Variants in RABL3 observed in about 807,000 individuals in gnomAD.
RABL3 encodes the protein rab-like protein 3.
In RABL3, 31 loss-of-function variants were observed where a neutral mutation model predicts 31.8. The observed-to-expected ratio is 0.97, with a 90% CI of 0.73 to 1.31. The LOEUF (loss-of-function observed/expected upper bound fraction) is 1.31. Ranked by LOEUF, RABL3 falls within the 40% of genes most tolerant of loss-of-function variation. The probability of loss-of-function intolerance (pLI) is 0.00; values close to 1 mark genes in which losing one functional copy is unlikely to be tolerated. For missense variants in RABL3, 263 were observed against 279.6 expected (o/e 0.94, Z 0.42); for synonymous variants, 97 against 99.9 (o/e 0.97, Z 0.18).
chr3:120,730,668 G>GA, intron 2 of RABL3, 28 bp downstream of exon 2: 1 of 1,507,996 alleles, frequency 6.6e-7, no homozygotes, highest in Non-Finnish European at 9.2e-7. Flanking sequence ...GTACATTATT[G>GA]AAAAACTAAA....
At chr3:120,719,264 C>T (rs998616670) in intron 2 of RABL3, among the ~76,000 whole-genome samples, 5 of 152,200 alleles carry the variant, frequency 3.3e-5, no homozygotes, top group Admixed American at 3.3e-4. Context: ...CTACAGCTCC[C>T]AGCGTGAGCG....
Position 120,694,203 on chromosome 3 carries a change from A to T in RABL3, c.556T>A (p.Leu186Ile), listed in dbSNP as rs2107575148. 1 of 1,611,456 alleles carries T rather than the reference A, an allele frequency of 6.2e-7. No homozygotes were observed. The highest frequency in any genetic ancestry group is 1.1e-5 in the South Asian group (1 of 90,748). ...ACAGCATTGGAAGAACCTGCAGCTAAGTACCGTGGATTTGTGCAGTCCTAG... is the reference window on the plus strand; with the variant it reads ...ACAGCATTGGAAGAACCTGCAGCTATGTACCGTGGATTTGTGCAGTCCTAG... ...INLDCTNPRY[L>I]AAGSSNAVKL... The change falls in exon 6 of 8, where the codon TTA becomes ATA. Residue 186 changes from leucine (L) to isoleucine (I), a missense_variant. By Grantham distance (5) the Leu-to-Ile change is conservative. Coordinates refer to ENST00000273375, the MANE Select transcript of RABL3 (RefSeq NM_173825.5).
chr3:120,690,988 T>G (rs1403530976), intron 6 of RABL3, among the ~76,000 whole-genome samples: 1 of 152,162 alleles, frequency 6.6e-6, no homozygotes, highest in African/African-American at 2.4e-5. Flanking sequence ...TGACACAACA[T>G]CAAAAGCAGT....
intron 4 of RABL3, among the ~76,000 whole-genome samples, chr3:120,700,038 C>T (rs1005746199): frequency 2.6e-5 from 4 of 152,160 alleles, no homozygotes; most frequent in African/African-American, 9.6e-5. Context: ...TGCACAATTC[C>T]TTGCACACTG....
At chr3:120,732,750 T>C (rs907350116) in intron 1 of RABL3, among the ~76,000 whole-genome samples, 1 of 137,786 alleles carries the variant, frequency 7.3e-6, no homozygotes, top group Non-Finnish European at 1.6e-5. Flanking sequence ...TGTGTGATGT[T>C]CCCTTCCTGT....
At chr3:120,693,291 C>T (rs1708401077) in intron 6 of RABL3, among the ~76,000 whole-genome samples, 1 of 151,734 alleles carries the variant, frequency 6.6e-6, no homozygotes, top group South Asian at 2.1e-4. Context: ...ATATTAAATC[C>T]CAAATTATCT....
intron 1 of RABL3, among the ~76,000 whole-genome samples, chr3:120,735,399 A>T (rs1708945666): frequency 6.6e-6 from 1 of 151,780 alleles, no homozygotes; most frequent in Non-Finnish European, 1.5e-5. Flanking sequence ...TATCCCCTTT[A>T]TCATTTTTTA....
At chr3:120,692,503 A>T (rs1362880274) in intron 6 of RABL3, among the ~76,000 whole-genome samples, 2 of 152,172 alleles carry the variant, frequency 1.3e-5, no homozygotes, top group Non-Finnish European at 2.9e-5. Context: ...CGGCTGGAGA[A>T]TAAATCTTTA....
intron 5 of RABL3, among the ~76,000 whole-genome samples, chr3:120,698,214 T>C (rs888964752): frequency 6.6e-6 from 1 of 152,164 alleles, no homozygotes; most frequent in Non-Finnish European, 1.5e-5. Flanking sequence ...GTTGGAACAT[T>C]CCAACAGACC....
At chr3:120,710,212 ATC>A (rs1708597520) in intron 2 of RABL3, 1 of 185,702 alleles carries the variant, frequency 5.4e-6, no homozygotes, top group Admixed American at 5.7e-5. Flanking sequence ...CATTGTATTC[ATC>A]TGACAAAATT....
chr3:120,688,259 T>A lies in RABL3; in HGVS notation c.*1564A>T, dbSNP rs1708337686. 1 of 152,636 alleles carries A rather than the reference T, an allele frequency of 6.6e-6. No homozygotes were observed. Among genetic ancestry groups the A allele is most frequent in the Non-Finnish European group, 1.5e-5 (1 of 68,048 alleles). 9.5% of individuals were successfully genotyped at this position (152,636 alleles called of 1,614,324 possible). A position where few individuals can be genotyped will look rare whatever the true frequency, so the allele number is the denominator to read the frequency against. On this transcript the variant is annotated 3_prime_UTR_variant, in exon 8 of 8. Transcript: ENST00000273375. The stretch of plus-strand genomic sequence containing the variant: ...TAGCATTTGGTTTCTACTTCCCAAC[T>A]GTACAGCCTATGCAACAACATACTT...
In RABL3 at chr3:120,687,051, T is replaced by C. The variant is rs1169982343; in HGVS notation, c.*2772A>G. ...AGTTTTCTCAAATAACAGGGTGCAA[T>C]ATTTTGGGGTTATGTGTCCTGAATC... On this transcript the variant is annotated 3_prime_UTR_variant, in exon 8 of 8. Coordinates refer to ENST00000273375, the MANE Select transcript of RABL3 (RefSeq NM_173825.5). 2 of 152,144 alleles carry C rather than the reference T, an allele frequency of 1.3e-5. No homozygotes were observed. Among genetic ancestry groups the C allele is most frequent in the East Asian group, 3.9e-4 (2 of 5,190 alleles). 9.4% of individuals were successfully genotyped at this position (152,144 alleles called of 1,614,324 possible). A position where few individuals can be genotyped will look rare whatever the true frequency, so the allele number is the denominator to read the frequency against.
intron 6 of RABL3, among the ~76,000 whole-genome samples, chr3:120,692,341 G>A (rs906371700): frequency 2.6e-5 from 4 of 152,086 alleles, no homozygotes; most frequent in African/African-American, 9.7e-5. Context: ...TGGGACTACA[G>A]GCGCCCGCCA....
At chr3:120,700,841 C>T (rs967940991) in intron 4 of RABL3, among the ~76,000 whole-genome samples, 4 of 151,984 alleles carry the variant, frequency 2.6e-5, no homozygotes, top group Non-Finnish European at 5.9e-5. Flanking sequence ...TATGGGAGTT[C>T]ATTTTCCATT....
At chr3:120,696,929 T>C (rs900830623) in intron 5 of RABL3, among the ~76,000 whole-genome samples, 1 of 152,084 alleles carries the variant, frequency 6.6e-6, no homozygotes, top group African/African-American at 2.4e-5. Context: ...AACAATGGAA[T>C]GGCAGGCAGA....
At chr3:120,720,577 G>C (rs1212435742) in intron 2 of RABL3, among the ~76,000 whole-genome samples, 1 of 152,174 alleles carries the variant, frequency 6.6e-6, no homozygotes, top group Non-Finnish European at 1.5e-5. Context: ...TTGGAAGAAA[G>C]GGTATCAGCG....
intron 1 of RABL3, among the ~76,000 whole-genome samples, chr3:120,741,485 C>G (rs1709042145): frequency 6.6e-6 from 1 of 152,170 alleles, no homozygotes; most frequent in African/African-American, 2.4e-5. Context: ...AACACATGCT[C>G]TTAGGCCAAC....
At chr3:120,712,675 C>CT (rs1708625502) in intron 2 of RABL3, among the ~76,000 whole-genome samples, 1 of 152,152 alleles carries the variant, frequency 6.6e-6, no homozygotes, top group African/African-American at 2.4e-5. Context: ...CTTCTAGACT[C>CT]TGAGTGTAAG....
intron 2 of RABL3, among the ~76,000 whole-genome samples, chr3:120,714,919 G>T (rs1295399195): frequency 6.6e-6 from 1 of 152,002 alleles, no homozygotes; most frequent in Non-Finnish European, 1.5e-5. Context: ...AATTGCATCA[G>T]TTCTAGTGGT....
Sources: allele counts gnomAD v4.1 joint callset (sites outside exome capture counted in the v4.1 genomes callset), GRCh38; gene constraint gnomAD v4.1.1; transcripts MANE v1.5; gene names NCBI Gene and HGNC (gene_info 2026-07-23, HGNC 2026-07-21).